MMP26: variants seen among roughly 807,000 people sequenced by gnomAD.
MMP26 encodes the protein matrix metalloproteinase-26.
Under a neutral mutation model 31.0 loss-of-function variants are expected in MMP26, and 33 were observed. The ratio of observed to expected loss-of-function variants is 1.06; its 90% CI spans 0.81 to 1.42. MMP26 has a LOEUF of 1.42. Ranked by LOEUF, MMP26 falls within the 40% of genes most tolerant of loss-of-function variation. The pLI is 0.00. For synonymous variants in MMP26, 122 were observed against 114.9 expected (o/e 1.06, Z -0.40); for missense variants, 347 against 316.1 (o/e 1.10, Z -0.74).
intron 2 of MMP26, chr11:4,973,949 G>T (rs756980886): frequency 6.6e-6 from 1 of 152,050 alleles, no homozygotes. Context: ...TAAGTAGATC[G>T]GCTCAAATGC....
At chr11:4,893,777 T>C (rs1000980894) in intron 2 of MMP26, among the ~76,000 whole-genome samples, 3 of 152,120 alleles carry the variant, frequency 2.0e-5, no homozygotes, top group Non-Finnish European at 4.4e-5. Context: ...ATCAATTCTG[T>C]ATTTATAAAA....
At chr11:4,969,185 A>T (rs749221021) in intron 2 of MMP26, among the ~76,000 whole-genome samples, 1 of 152,038 alleles carries the variant, frequency 6.6e-6, no homozygotes, top group Non-Finnish European at 1.5e-5. Context: ...ATAATTTCAC[A>T]ATTTCTAGAG....
chr11:4,777,453 A>G (rs1193979713), intron 2 of MMP26, among the ~76,000 whole-genome samples: 1 of 152,160 alleles, frequency 6.6e-6, no homozygotes, highest in Non-Finnish European at 1.5e-5. Context: ...TTTATCCTTA[A>G]ATATTTGTAA....
intron 2 of MMP26, among the ~76,000 whole-genome samples, chr11:4,792,273 G>A (rs993507549): frequency 2.6e-5 from 4 of 151,644 alleles, no homozygotes; most frequent in Non-Finnish European, 4.4e-5. Flanking sequence ...AACACAAATA[G>A]CAAATAATGA....
At chr11:4,925,134 C>G (rs1851251286) in intron 2 of MMP26, among the ~76,000 whole-genome samples, 1 of 152,108 alleles carries the variant, frequency 6.6e-6, no homozygotes, top group Non-Finnish European at 1.5e-5. Flanking sequence ...CTTGTAAGTT[C>G]TATTCTTAGG....
chr11:4,764,832 A>G (rs1848609092), intron 1 of MMP26, among the ~76,000 whole-genome samples: 1 of 152,034 alleles, frequency 6.6e-6, no homozygotes, highest in Non-Finnish European at 1.5e-5. Flanking sequence ...GAGATCGCGC[A>G]GCGCCACTGC....
intron 2 of MMP26, chr11:4,924,441 G>T: frequency 8.1e-7 from 1 of 1,231,068 alleles, no homozygotes; most frequent in Non-Finnish European, 1.1e-6. Flanking sequence ...AGATCAGCCA[G>T]TAAGGAAGCA....
chr11:4,857,646 A>G (rs1850074865), intron 2 of MMP26, among the ~76,000 whole-genome samples: 1 of 152,222 alleles, frequency 6.6e-6, no homozygotes, highest in Non-Finnish European at 1.5e-5. Flanking sequence ...TACCAGAGGT[A>G]CAAGGAGGAG....
At chr11:4,782,895 T>G (rs991681484) in intron 2 of MMP26, among the ~76,000 whole-genome samples, 7 of 152,186 alleles carry the variant, frequency 4.6e-5, no homozygotes, top group African/African-American at 1.7e-4. Context: ...AGCTTGCAAG[T>G]GCACAGAAGT....
Position 4,786,071 on chromosome 11 carries a change from G to A in MMP26, c.-145+18730G>A, listed in dbSNP as rs73399067. ...TGGGGAAACTGAACAAGTCTCTATG[G>A]GGTTCAATATAAAGCCCTGACCTGT... On this transcript the variant is annotated intron_variant, in intron 2 of 7. Coordinates refer to ENST00000380390, the MANE Select transcript of MMP26 (RefSeq NM_021801.5). Among the ~76,000 whole-genome samples, 757 of 152,142 alleles carry A rather than the reference G, an allele frequency of 5.0e-3. 4 individuals carry two copies. Among genetic ancestry groups the A allele is most frequent in the African/African-American group, 0.017 (686 of 41,486 alleles).
At chr11:4,715,951 C>T (rs1332125649) in intron 1 of MMP26, among the ~76,000 whole-genome samples, 1 of 152,184 alleles carries the variant, frequency 6.6e-6, no homozygotes, top group East Asian at 1.9e-4. Context: ...CCTGCTAGGG[C>T]TTACCTAATC....
chr11:4,813,178 A>G (rs1187126162), intron 2 of MMP26, among the ~76,000 whole-genome samples: 1 of 151,956 alleles, frequency 6.6e-6, no homozygotes, highest in Non-Finnish European at 1.5e-5. Flanking sequence ...CTATTATTTT[A>G]TGTCATCATT....
intron 2 of MMP26, chr11:4,915,361 G>T: frequency 1.9e-6 from 3 of 1,614,030 alleles, no homozygotes; most frequent in Non-Finnish European, 2.5e-6. Context: ...GAGCAAAGCA[G>T]GCATCATGGC....
chr11:4,799,701 C>T (rs1203281473), intron 2 of MMP26, among the ~76,000 whole-genome samples: 2 of 152,178 alleles, frequency 1.3e-5, no homozygotes, highest in African/African-American at 4.8e-5. Flanking sequence ...CATCTCCTTT[C>T]ACCTATGAGC....
chr11:4,882,220 T>C, intron 2 of MMP26: 1 of 1,614,036 alleles, frequency 6.2e-7, no homozygotes. Context: ...TCTTTGTGCA[T>C]GCTTTCTCCT....
intron 2 of MMP26, among the ~76,000 whole-genome samples, chr11:4,835,604 G>A (rs996079951): frequency 6.6e-6 from 1 of 152,154 alleles, no homozygotes; most frequent in African/African-American, 2.4e-5. Context: ...AGGCTCTGCT[G>A]TGAAAGAGAG....
At chr11:4,922,111 C>T (rs1261350778) in intron 2 of MMP26, among the ~76,000 whole-genome samples, 3 of 152,164 alleles carry the variant, frequency 2.0e-5, no homozygotes, top group African/African-American at 7.2e-5. Flanking sequence ...ATTTGACTTT[C>T]TGTTTCTGAG....
intron 2 of MMP26, among the ~76,000 whole-genome samples, chr11:4,819,331 A>C (rs7118302): frequency 6.6e-6 from 1 of 152,166 alleles, no homozygotes; most frequent in South Asian, 2.1e-4. Context: ...TGACTTGAGA[A>C]TAGGCAAAGG....
chr11:4,723,288 G>T lies in MMP26; in HGVS notation c.-217+18243G>T, dbSNP rs563617845. 2.2e-5 allele frequency: 22 copies of T among 1,022,702 alleles called. No individual in the cohort carries two copies. In the East Asian group the frequency reaches 5.0e-4, roughly 23 times the overall value. The allele number at this position is 1,022,702 out of a possible 1,614,324, so 63.4% of individuals were successfully genotyped here. On this transcript the variant is annotated intron_variant, in intron 1 of 7. Coordinates refer to ENST00000380390, the MANE Select transcript of MMP26 (RefSeq NM_021801.5). ...CAGATCTCAGTCTTGTGCGCTGCGG[G>T]TCATCCTCCTGCTTCCCAGCCAGCA...
Sources: allele counts gnomAD v4.1 joint callset (sites outside exome capture counted in the v4.1 genomes callset), GRCh38; gene constraint gnomAD v4.1.1; transcripts MANE v1.5; gene names NCBI Gene and HGNC (gene_info 2026-07-23, HGNC 2026-07-21).